Variants in COG3 observed in about 807,000 individuals in gnomAD.
COG3 encodes the protein component of oligomeric golgi complex 3.
In COG3, 32 loss-of-function variants were observed where a neutral mutation model predicts 114.1. The ratio of observed to expected loss-of-function variants is 0.28; its 90% CI spans 0.21 to 0.38. The LOEUF (loss-of-function observed/expected upper bound fraction) is 0.38. COG3 is among the 10% of genes least tolerant of loss of function. The probability of loss-of-function intolerance (pLI) is 1.00; values close to 1 mark genes in which losing one functional copy is unlikely to be tolerated. For synonymous variants in COG3, 352 were observed against 365.7 expected (o/e 0.96, Z 0.43); for missense variants, 813 against 973.2 (o/e 0.84, Z 2.19).
At position 45,481,384 on chromosome 13, in the gene COG3, A is replaced by G. The variant is rs566445829; in HGVS notation, c.624+80A>G. The G allele has an allele frequency of 6.7e-6, 5 of 743,854 alleles. No homozygotes were observed. In the Admixed American group the frequency reaches 9.7e-5, roughly 14 times the overall value. 46.1% of individuals were successfully genotyped at this position (743,854 alleles called of 1,614,324 possible). Reference sequence around the variant, plus strand: ...CTTTCTTCGTGTCATCTTTTAATCTATAAATTGGCTTGAGTGATATTTTAA... The same window carrying G: ...CTTTCTTCGTGTCATCTTTTAATCTGTAAATTGGCTTGAGTGATATTTTAA... On this transcript the variant is annotated intron_variant, in intron 5 of 22. Transcript: ENST00000349995.
intron 20 of COG3, among the ~76,000 whole-genome samples, chr13:45,525,853 G>T (rs1207199772): frequency 6.6e-6 from 1 of 151,176 alleles, no homozygotes; most frequent in Non-Finnish European, 1.5e-5. Flanking sequence ...TTTAATTATG[G>T]GTAAGCTGTG....
chr13:45,498,632 A>G (rs963641498), intron 13 of COG3, among the ~76,000 whole-genome samples: 16 of 151,918 alleles, frequency 1.1e-4, no homozygotes, highest in African/African-American at 3.4e-4. Context: ...CCATAGATTA[A>G]TGGTTTTTTT....
chr13:45,492,318 A>AT (rs1887066707), intron 11 of COG3, 68 bp downstream of exon 11: 1 of 815,570 alleles, frequency 1.2e-6, no homozygotes, highest in Non-Finnish European at 2.0e-6. Flanking sequence ...ATGAATCAGT[A>AT]TATTATAGGA....
At position 45,465,106 on chromosome 13, in the gene COG3, C is replaced by T. The variant is rs958342295; in HGVS notation, c.70C>T (p.Leu24Phe). ...AERDAREKLA[L>F]WDRRPDTTAP... ...GCGGGACGCTAGGGAAAAGCTGGCT[C>T]TCTGGGATCGGAGACCGGACACGAC... The change falls in exon 1 of 23, where the codon CTC becomes TTC. Residue 24 changes from leucine (L) to phenylalanine (F), a missense_variant. By Grantham distance (22) the Leu-to-Phe change is conservative. Around this residue, in one of 2 missense-constraint regions of COG3, gnomAD observed 424 missense variants for 430.6 expected, o/e 0.98. Coordinates refer to ENST00000349995, the MANE Select transcript of COG3 (RefSeq NM_031431.4). 1.4e-5 allele frequency: 22 copies of T among 1,612,532 alleles called. No homozygotes were observed. The highest frequency in any genetic ancestry group is 1.7e-5 in the Non-Finnish European group (20 of 1,179,702).
chr13:45,515,195 A>G (rs1871415054), intron 16 of COG3, among the ~76,000 whole-genome samples: 2 of 152,166 alleles, frequency 1.3e-5, no homozygotes. Context: ...AGCATTTCCC[A>G]CTTACCTGGT....
intron 14 of COG3, among the ~76,000 whole-genome samples, chr13:45,509,036 T>C (rs994223497): frequency 1.3e-5 from 2 of 149,014 alleles, no homozygotes; most frequent in Non-Finnish European, 1.5e-5. Context: ...CATAGAGATC[T>C]GCTTCCTTTT....
chr13:45,467,273 G>T (rs971502894), intron 1 of COG3, among the ~76,000 whole-genome samples: 4 of 152,178 alleles, frequency 2.6e-5, no homozygotes, highest in Non-Finnish European at 5.9e-5. Context: ...GGTACGTGCA[G>T]CTTGGTATTG....
intron 19 of COG3, among the ~76,000 whole-genome samples, chr13:45,522,719 A>T (rs1188635385): frequency 6.6e-6 from 1 of 152,224 alleles, no homozygotes; most frequent in African/African-American, 2.4e-5. Flanking sequence ...GCCTGAGGGA[A>T]TGTAATGCTA....
In COG3 at chr13:45,496,073, AT is replaced by A. The variant is rs1868726886; in HGVS notation, c.1328-76del. On this transcript the variant is annotated intron_variant, in intron 12 of 22. Transcript: ENST00000349995. ...AAGTGGTTCATACTGTTTCTGAACA[AT>A]TTAGTAACATCTTTGCTTGTTTAAA... 5.6e-6 allele frequency: 8 copies of A among 1,440,770 alleles called. No homozygotes were observed. In the East Asian group the frequency reaches 1.9e-4, roughly 34 times the overall value. 89.2% of individuals were successfully genotyped at this position (1,440,770 alleles called of 1,614,324 possible). A position where few individuals can be genotyped will look rare whatever the true frequency, so the allele number is the denominator to read the frequency against.
At chr13:45,481,745 G>A (rs1447176645) in intron 5 of COG3, among the ~76,000 whole-genome samples, 1 of 152,094 alleles carries the variant, frequency 6.6e-6, no homozygotes, top group Admixed American at 6.5e-5. Flanking sequence ...ATAAAGACAA[G>A]TGTGTAAATT....
In COG3 at chr13:45,534,856, C is replaced by G. The variant is rs971406425; in HGVS notation, c.*125C>G. 7 of 1,378,728 alleles carry G rather than the reference C, an allele frequency of 5.1e-6. No individual in the cohort carries two copies. In the African/African-American group the frequency reaches 1.1e-4, roughly 21 times the overall value. The allele number at this position is 1,378,728 out of a possible 1,614,324, so 85.4% of individuals were successfully genotyped here. A position where few individuals can be genotyped will look rare whatever the true frequency, so the allele number is the denominator to read the frequency against. On this transcript the variant is annotated 3_prime_UTR_variant, in exon 23 of 23. Coordinates refer to ENST00000349995, the MANE Select transcript of COG3 (RefSeq NM_031431.4). ...CCCCGAGAACCACACGAGCGTGCTG[C>G]TCAGTGCTGACTGCAGAATGAAATA... is the stretch of plus-strand genomic sequence containing the variant.
rs377551623 is a variant in COG3 at position 45,489,262 on chromosome 13, CAAAAAAA to C, written c.925-1641_925-1635del. Among the ~76,000 whole-genome samples, 10 of 43,600 alleles carry C rather than the reference CAAAAAAA, an allele frequency of 2.3e-4. 2 individuals carry two copies. Among genetic ancestry groups the C allele is most frequent in the African/African-American group, 9.5e-4 (10 of 10,476 alleles). 28.6% of individuals were successfully genotyped at this position (43,600 alleles called of 152,430 possible). A position where few individuals can be genotyped will look rare whatever the true frequency, so the allele number is the denominator to read the frequency against. On this transcript the variant is annotated intron_variant, in intron 8 of 22. Transcript: ENST00000349995. The stretch of plus-strand genomic sequence containing the variant: ...TTTTTGACAAAGTGAGACCCAGCCT[CAAAAAAA>C]AAAAAAAAAAAGCCAACCAGTTTAA...
At chr13:45,505,309 T>G (rs536693227) in intron 14 of COG3, among the ~76,000 whole-genome samples, 109 of 151,456 alleles carry the variant, frequency 7.2e-4, no homozygotes, top group African/African-American at 2.6e-3. Flanking sequence ...TGCTTCCTTT[T>G]TTTTTTTTGA....
chr13:45,474,192 C>G (rs1885708921), intron 1 of COG3, among the ~76,000 whole-genome samples: 2 of 132,170 alleles, frequency 1.5e-5, no homozygotes, highest in African/African-American at 6.0e-5. Context: ...GAGTCTCGCT[C>G]TGTCGCCCAG....
At chr13:45,505,066 A>C (rs1220693217) in intron 14 of COG3, among the ~76,000 whole-genome samples, 1 of 151,882 alleles carries the variant, frequency 6.6e-6, no homozygotes, top group African/African-American at 2.4e-5. Context: ...ATGCGCCTGT[A>C]ATCCCAGCTA....
rs1238742902 is a variant in COG3, at chr13:45,482,318, A to T, written c.625-63A>T. The T allele has an allele frequency of 2.2e-5, 19 of 851,222 alleles. No individual in the cohort carries two copies. The East Asian group carries it at 4.6e-4, about 20-fold the overall frequency. 52.7% of individuals were successfully genotyped at this position (851,222 alleles called of 1,614,324 possible). A position where few individuals can be genotyped will look rare whatever the true frequency, so the allele number is the denominator to read the frequency against. On this transcript the variant is annotated intron_variant, in intron 5 of 22. Coordinates refer to ENST00000349995, the MANE Select transcript of COG3 (RefSeq NM_031431.4). ...GGCAAATATGCTGACTCTAATCCAT[A>T]GTTTCCAACTTTTATCTGTATCATT...
Position 45,476,330 on chromosome 13 carries a change from A to G in COG3, c.304A>G (p.Ile102Val). ...TTCCTTAGGAATGGAAGAAGAAAGA[A>G]TTGAAACCGCACAGCAGGTGAATTG... ...FTSLGMEEERIETAQQFFSWF... is the reference protein window; with the variant it reads ...FTSLGMEEERVETAQQFFSWF... The change falls in exon 2 of 23, where the codon ATT (isoleucine) becomes GTT (valine). Residue 102 changes from isoleucine to valine, a missense_variant. By Grantham distance (29) the Ile-to-Val change is conservative. Coordinates refer to ENST00000349995, the MANE Select transcript of COG3 (RefSeq NM_031431.4). The G allele has an allele frequency of 1.2e-6, 2 of 1,614,030 alleles. No individual in the cohort carries two copies. Among genetic ancestry groups the G allele is most frequent in the Non-Finnish European group, 1.7e-6 (2 of 1,179,974 alleles).
chr13:45,465,337 C>T, intron 1 of COG3, 127 bp downstream of exon 1: 2 of 1,395,976 alleles, frequency 1.4e-6, no homozygotes, highest in Non-Finnish European at 1.9e-6. Context: ...GCCATGGTGG[C>T]GGATCCGGTG....
rs10558884 is a variant in COG3 at position 45,474,151 on chromosome 13, CT to C, written c.175-2026del. On this transcript the variant is annotated intron_variant, in intron 1 of 22. Transcript: ENST00000349995. The stretch of plus-strand genomic sequence containing the variant: ...CCACATCTTTGTTTTCTTTTTTACT[CT>C]TTTTTTTTTTTTTTTTTTTTTTTGA... Among the ~76,000 whole-genome samples, 16 of 81,984 alleles carry C rather than the reference CT, an allele frequency of 2.0e-4. No homozygotes were observed. In the East Asian group the frequency reaches 3.7e-3, roughly 19 times the overall value. 53.8% of individuals were successfully genotyped at this position (81,984 alleles called of 152,430 possible). A position where few individuals can be genotyped will look rare whatever the true frequency, so the allele number is the denominator to read the frequency against.
Sources: allele counts gnomAD v4.1 joint callset (sites outside exome capture counted in the v4.1 genomes callset), GRCh38; gene constraint gnomAD v4.1.1; regional missense constraint gnomAD v4.1.1; transcripts MANE v1.5; gene names NCBI Gene and HGNC (gene_info 2026-07-23, HGNC 2026-07-21).